The following ATXN7 variants were observed in gnomAD, a reference collection of about 807,000 sequenced individuals.
The protein encoded by ATXN7 is ataxin-7.
In ATXN7, 12 loss-of-function variants were observed where a neutral mutation model predicts 70.5. The ratio of observed to expected loss-of-function variants is 0.17; its 90% CI spans 0.11 to 0.28. ATXN7 has a LOEUF of 0.28. ATXN7 is among the 10% of genes least tolerant of loss of function. The pLI is 1.00. For missense variants in ATXN7, 1,256 were observed against 1,131.7 expected (o/e 1.11, Z -1.58); for synonymous variants, 498 against 448.7 (o/e 1.11, Z -1.39).
At chr3:63,991,529 T>TG (rs1204481695) in intron 11 of ATXN7, among the ~76,000 whole-genome samples, 1 of 150,746 alleles carries the variant, frequency 6.6e-6, no homozygotes, top group African/African-American at 2.4e-5. Flanking sequence ...TAGGGAGGAG[T>TG]GGGTTCTGGG....
intron 1 of ATXN7, among the ~76,000 whole-genome samples, chr3:63,873,586 A>G (rs921027091): frequency 3.3e-5 from 5 of 152,238 alleles, no homozygotes; most frequent in Non-Finnish European, 5.9e-5. Flanking sequence ...GATATTTACT[A>G]TCTGAACATT....
chr3:63,913,037 C>A, intron 3 of ATXN7, 114 bp downstream of exon 3: 2 of 1,297,042 alleles, frequency 1.5e-6, no homozygotes, highest in African/African-American at 1.5e-5. Context: ...GAGATGCTAT[C>A]GTTTGCTGGG....
At chr3:63,942,221 C>T (rs1275982733) in intron 4 of ATXN7, among the ~76,000 whole-genome samples, 1 of 152,158 alleles carries the variant, frequency 6.6e-6, no homozygotes, top group African/African-American at 2.4e-5. Flanking sequence ...AGTGGAGGAG[C>T]TCATCTAATA....
Position 63,951,420 on chromosome 3 carries a change from G to T in ATXN7, c.395-959G>T, listed in dbSNP as rs533967179. The stretch of plus-strand genomic sequence containing the variant: ...ATCAGCTTTTTGGATCTTCCCCCTT[G>T]TCCTTTAAACTTGGTATTTGATCTA... On this transcript the variant is annotated intron_variant, in intron 4 of 12. Coordinates refer to ENST00000674280, the MANE Select transcript of ATXN7 (RefSeq NM_001377405.1). Among the ~76,000 whole-genome samples the T allele has an allele frequency of 3.9e-5, 6 of 152,194 alleles. No homozygotes were observed. The South Asian group carries it at 1.2e-3, about 32-fold the overall frequency.
intron 4 of ATXN7, among the ~76,000 whole-genome samples, chr3:63,931,166 TG>T (rs969071991): frequency 6.6e-6 from 1 of 152,050 alleles, no homozygotes; most frequent in African/African-American, 2.4e-5. Flanking sequence ...CTTGAACTCC[TG>T]GGCTCAAGCA....
intron 5 of ATXN7, among the ~76,000 whole-genome samples, chr3:63,955,302 T>C (rs1413456441): frequency 1.3e-5 from 2 of 152,174 alleles, no homozygotes; most frequent in Non-Finnish European, 2.9e-5. Context: ...GAGGGCCAAG[T>C]GCTCTGAGAG....
At chr3:63,992,991 C>A (rs544859976) in intron 11 of ATXN7, among the ~76,000 whole-genome samples, 3 of 152,180 alleles carry the variant, frequency 2.0e-5, no homozygotes, top group African/African-American at 7.2e-5. Context: ...CCAGGTCCCA[C>A]CCTACCGGCT....
intron 4 of ATXN7, among the ~76,000 whole-genome samples, chr3:63,923,724 G>T (rs897470948): frequency 3.9e-5 from 6 of 152,142 alleles, no homozygotes; most frequent in Non-Finnish European, 7.3e-5. Flanking sequence ...TGCCCAGGAG[G>T]TCGAGGCTGC....
intron 2 of ATXN7, among the ~76,000 whole-genome samples, chr3:63,899,379 C>T (rs1032285219): frequency 6.6e-6 from 1 of 152,046 alleles, no homozygotes; most frequent in Non-Finnish European, 1.5e-5. Flanking sequence ...TGTTGTTTCT[C>T]ACTGCATGTC....
chr3:63,961,920 C>G (rs1465587468), intron 5 of ATXN7, among the ~76,000 whole-genome samples: 4 of 152,118 alleles, frequency 2.6e-5, no homozygotes, highest in Non-Finnish European at 2.9e-5. Context: ...TCCTGACAGT[C>G]ATTTCACAAG....
At chr3:63,990,656 T>C in intron 10 of ATXN7, 82 bp from the exon 11 acceptor site, 3 of 1,602,966 alleles carry the variant, frequency 1.9e-6, no homozygotes, top group Non-Finnish European at 2.6e-6. Flanking sequence ...CCTGATTAGC[T>C]CCTTTCCTGA....
intron 5 of ATXN7, among the ~76,000 whole-genome samples, chr3:63,959,412 G>A (rs1171055338): frequency 1.3e-5 from 2 of 152,216 alleles, no homozygotes; most frequent in African/African-American, 4.8e-5. Context: ...TGTCAAGGTG[G>A]ACATTAGTTT....
At chr3:63,924,945 A>T (rs954540524) in intron 4 of ATXN7, among the ~76,000 whole-genome samples, 1 of 152,212 alleles carries the variant, frequency 6.6e-6, no homozygotes, top group African/African-American at 2.4e-5. Flanking sequence ...GAATGATCCA[A>T]GAGTAAGGGA....
At chr3:63,866,958 G>A (rs1246405220) in intron 1 of ATXN7, 2 of 149,028 alleles carry the variant, frequency 1.3e-5, no homozygotes, top group Non-Finnish European at 3.0e-5. Flanking sequence ...TAAGATTTCT[G>A]GGTTTTTTTT....
intron 5 of ATXN7, among the ~76,000 whole-genome samples, chr3:63,960,411 A>G (rs568372774): frequency 6.6e-6 from 1 of 152,274 alleles, no homozygotes; most frequent in Admixed American, 6.5e-5. Context: ...TTGGCCAGGA[A>G]GTGTTATGAT....
In ATXN7 at chr3:63,888,669, G is replaced by A. The variant is rs143043202; in HGVS notation, c.-110-9730G>A. Among the ~76,000 whole-genome samples, 187 of 152,130 alleles carry A rather than the reference G, an allele frequency of 1.2e-3. 3 individuals are homozygous for A. The East Asian group carries it at 0.032, about 26-fold the overall frequency. ...CAAGTGCCTATAATCCCAGTTACTC[G>A]GGAGGCTGAGGCAGGAGAATCGCTT... On this transcript the variant is annotated intron_variant, in intron 1 of 12. Transcript: ENST00000674280.
chr3:63,868,050 T>C (rs1702488265), intron 1 of ATXN7, among the ~76,000 whole-genome samples: 1 of 152,128 alleles, frequency 6.6e-6, no homozygotes, highest in South Asian at 2.1e-4. Context: ...TTTTAAAAAA[T>C]TATATCTAAA....
intron 5 of ATXN7, among the ~76,000 whole-genome samples, chr3:63,966,135 G>A (rs909965147): frequency 2.0e-5 from 3 of 152,242 alleles, no homozygotes; most frequent in Admixed American, 2.0e-4. Flanking sequence ...TGTACGAAAG[G>A]GAATATTAGA....
chr3:63,898,140 C>T (rs1703500319), intron 1 of ATXN7, among the ~76,000 whole-genome samples: 1 of 151,876 alleles, frequency 6.6e-6, no homozygotes, highest in African/African-American at 2.4e-5. Context: ...TGATTTTAAG[C>T]CCCAGGAGGC....
Sources: allele counts gnomAD v4.1 joint callset (sites outside exome capture counted in the v4.1 genomes callset), GRCh38; gene constraint gnomAD v4.1.1; transcripts MANE v1.5; gene names NCBI Gene and HGNC (gene_info 2026-07-23, HGNC 2026-07-21).